RIPOR2: variants seen among roughly 807,000 people sequenced by gnomAD.
The protein encoded by RIPOR2 is rho family-interacting cell polarization regulator 2.
RIPOR2 carries 39 observed loss-of-function variants against 114.5 expected under a neutral mutation model. The ratio of observed to expected loss-of-function variants is 0.34; its 90% CI spans 0.26 to 0.44. The LOEUF (loss-of-function observed/expected upper bound fraction) is 0.44, where lower values mean the gene tolerates loss of function less well. Ranked by LOEUF, RIPOR2 falls within the 20% of genes least tolerant of loss-of-function variation. RIPOR2 has a pLI of 1.00. For synonymous variants in RIPOR2, 445 were observed against 484.4 expected (o/e 0.92, Z 1.07); for missense variants, 1,007 against 1,255.1 (o/e 0.80, Z 2.99).
chr6:24,964,253 G>A (rs1391708107), intron 1 of RIPOR2, among the ~76,000 whole-genome samples: 3 of 151,172 alleles, frequency 2.0e-5, no homozygotes, highest in East Asian at 1.9e-4. Flanking sequence ...TTGTTCCATC[G>A]CTACAGAGCT....
intron 3 of RIPOR2, 60 bp from the exon 4 acceptor site, chr6:24,873,019 CT>C: frequency 2.6e-6 from 3 of 1,138,526 alleles, no homozygotes. Context: ...GAATCTGGTG[CT>C]GTTGCTGACT....
chr6:24,975,151 T>G (rs1173510563), intron 1 of RIPOR2, among the ~76,000 whole-genome samples: 1 of 152,230 alleles, frequency 6.6e-6, no homozygotes, highest in Non-Finnish European at 1.5e-5. Flanking sequence ...GGTATGTGAA[T>G]TAAATCTCAA....
chr6:25,031,733 ATATATATATATATAT>A (rs1561855793), intron 1 of RIPOR2, among the ~76,000 whole-genome samples: 1 of 109,958 alleles, frequency 9.1e-6, no homozygotes, highest in Non-Finnish European at 1.8e-5. Flanking sequence ...ATATATATAT[ATATATATATATATAT>A]ATAAAATATC....
intron 1 of RIPOR2, among the ~76,000 whole-genome samples, chr6:25,023,079 C>T (rs181297095): frequency 6.6e-6 from 1 of 151,686 alleles, no homozygotes; most frequent in African/African-American, 2.4e-5. Context: ...CCTTTAATGA[C>T]GACGTTTGCA....
intron 1 of RIPOR2, among the ~76,000 whole-genome samples, chr6:25,006,964 A>G (rs372761541): frequency 6.6e-6 from 1 of 152,316 alleles, no homozygotes; most frequent in South Asian, 2.1e-4. Context: ...TCTGGAATGG[A>G]ACGCTGTGGG....
At chr6:24,927,659 A>T (rs1284434836) in intron 1 of RIPOR2, among the ~76,000 whole-genome samples, 1 of 152,100 alleles carries the variant, frequency 6.6e-6, no homozygotes, top group Non-Finnish European at 1.5e-5. Context: ...CACCATCATC[A>T]TCAGTATCAT....
intron 1 of RIPOR2, chr6:25,041,715 C>A: frequency 3.4e-6 from 2 of 588,694 alleles, no homozygotes; most frequent in Non-Finnish European, 6.0e-6. Flanking sequence ...CATTGGAAAA[C>A]GGAGCACAGG....
In RIPOR2 at chr6:24,809,676, C is replaced by T. The variant is rs771221767; in HGVS notation, c.3043+41G>A. ...AATGGGAACATCCGTTAGAGAGTGC[C>T]AGAAGCAAACAATCATGTAAACAAC... On this transcript the variant is annotated intron_variant, in intron 21 of 21. Coordinates refer to ENST00000643898, the MANE Select transcript of RIPOR2 (RefSeq NM_001286445.3). 9.1e-6 allele frequency: 12 copies of T among 1,320,368 alleles called. No homozygotes were observed. In the African/African-American group the frequency reaches 1.8e-4, roughly 19 times the overall value. 81.8% of individuals were successfully genotyped at this position (1,320,368 alleles called of 1,614,324 possible).
chr6:24,902,542 C>T (rs1402231366), intron 1 of RIPOR2, among the ~76,000 whole-genome samples: 2 of 152,068 alleles, frequency 1.3e-5, no homozygotes, highest in African/African-American at 2.4e-5. Flanking sequence ...TTCTCCATCT[C>T]CTAAGTGGGA....
chr6:24,909,956 C>T (rs947601432), intron 1 of RIPOR2, among the ~76,000 whole-genome samples: 10 of 152,242 alleles, frequency 6.6e-5, no homozygotes, highest in African/African-American at 2.4e-4. Context: ...TCTCACAGCG[C>T]CTCTGCCACC....
chr6:24,835,861 C>T lies in RIPOR2; in HGVS notation c.2050G>A (p.Val684Ile). The change falls in exon 15 of 22, where the codon GTT (valine) becomes ATT (isoleucine). Residue 684 changes from valine to isoleucine, a missense_variant. Transcript: ENST00000643898. ...TETEKHSYRS[V>I]HPEARGHLSE... ...AGATGCCCCCTGGCTTCTGGGTGAA[C>T]CGACCTGTAACTATTGAAGGTGGGC... 1.3e-6 allele frequency: 2 copies of T among 1,551,534 alleles called. No individual in the cohort carries two copies. Among genetic ancestry groups the T allele is most frequent in the Non-Finnish European group, 8.7e-7 (1 of 1,146,956 alleles).
chr6:25,000,990 C>T (rs974367463), intron 1 of RIPOR2, among the ~76,000 whole-genome samples: 11 of 152,074 alleles, frequency 7.2e-5, no homozygotes, highest in African/African-American at 2.2e-4. Flanking sequence ...CTGCGGACCT[C>T]GATTTTTTTT....
chr6:25,033,861 C>A (rs1007755216), intron 1 of RIPOR2, among the ~76,000 whole-genome samples: 33 of 152,084 alleles, frequency 2.2e-4, no homozygotes, highest in African/African-American at 7.5e-4. Flanking sequence ...TTATTTTATT[C>A]TCTTTTTTTT....
chr6:25,033,421 G>T (rs752188721), intron 1 of RIPOR2, among the ~76,000 whole-genome samples: 12 of 152,086 alleles, frequency 7.9e-5, no homozygotes, highest in Non-Finnish European at 1.6e-4. Flanking sequence ...CTGGCACAAG[G>T]TGTTTCAGCC....
intron 16 of RIPOR2, 68 bp from the exon 17 acceptor site, chr6:24,830,738 CAG>C (rs2113681858): frequency 6.9e-7 from 1 of 1,457,448 alleles, no homozygotes; most frequent in Non-Finnish European, 9.2e-7. Flanking sequence ...TTTTTTGAGA[CAG>C]AGTCTTGCTT....
At chr6:24,877,184 G>T (rs890380435) in intron 1 of RIPOR2, 1 of 985,290 alleles carries the variant, frequency 1.0e-6, no homozygotes, top group African/African-American at 1.7e-5. Context: ...AATTTCACTA[G>T]ACCTTCCTCA....
chr6:24,809,179 G>C (rs890272930), intron 21 of RIPOR2, among the ~76,000 whole-genome samples: 1 of 152,136 alleles, frequency 6.6e-6, no homozygotes, highest in Non-Finnish European at 1.5e-5. Context: ...TGAAGAGGAA[G>C]GATTATCTGG....
chr6:24,932,385 CAGAG>C (rs1196020589), intron 1 of RIPOR2, among the ~76,000 whole-genome samples: 3 of 151,456 alleles, frequency 2.0e-5, no homozygotes, highest in Non-Finnish European at 4.4e-5. Flanking sequence ...GATGGAGAGA[CAGAG>C]AGAGAACAGA....
At position 24,997,323 on chromosome 6, in the gene RIPOR2, G is replaced by A. The variant is rs138757517; in HGVS notation, c.76+44528C>T. 2.2e-3 allele frequency among the ~76,000 whole-genome samples: 337 copies of A among 152,038 alleles called. 1 individual carries two copies. Among genetic ancestry groups the A allele is most frequent in the African/African-American group, 5.3e-3 (221 of 41,446 alleles). ...ATGCTCACTATGTAGTAAACACTGC[G>A]TTAGGCATTTGGAGGGGAGGTGGGG... On this transcript the variant is annotated intron_variant, in intron 1 of 13. Coordinates refer to the RIPOR2 transcript ENST00000510784.
Sources: allele counts gnomAD v4.1 joint callset (sites outside exome capture counted in the v4.1 genomes callset), GRCh38; gene constraint gnomAD v4.1.1; transcripts MANE v1.5; gene names NCBI Gene and HGNC (gene_info 2026-07-23, HGNC 2026-07-21).